Variants in DPP6 observed in about 807,000 individuals in gnomAD.
The protein encoded by DPP6 is A-type potassium channel modulatory protein DPP6.
In DPP6, 69 loss-of-function variants were observed where a neutral mutation model predicts 122.6. That is an observed-to-expected ratio of 0.56 (90% confidence interval 0.46 to 0.69). DPP6 has a LOEUF of 0.69. Ranked by LOEUF, DPP6 falls within the 30% of genes least tolerant of loss-of-function variation. The pLI is 0.00. For synonymous variants in DPP6, 418 were observed against 433.1 expected, an observed-to-expected ratio of 0.97 and a Z score of 0.43; for missense variants, 928 against 1,116.9, an observed-to-expected ratio of 0.83 and a Z score of 2.41.
intron 1 of DPP6, among the ~76,000 whole-genome samples, chr7:154,406,746 A>C (rs1264500873): frequency 2.0e-5 from 3 of 152,074 alleles, no homozygotes; most frequent in African/African-American, 4.8e-5. Flanking sequence ...TGAGTCAAAA[A>C]CCCTGGATAG....
intron 3 of DPP6, among the ~76,000 whole-genome samples, chr7:154,479,451 G>A (rs571678297): frequency 1.6e-4 from 24 of 151,650 alleles, no homozygotes; most frequent in East Asian, 9.7e-4. Flanking sequence ...CCAGCTACTC[G>A]GGAGGCTAAG....
intron 1 of DPP6, among the ~76,000 whole-genome samples, chr7:154,059,813 G>C (rs538428697): frequency 1.9e-3 from 285 of 151,452 alleles, no homozygotes; most frequent in African/African-American, 6.8e-3. Context: ...GCTGAGGCCC[G>C]TAGCCTACGT....
At chr7:154,339,536 A>G (rs576917783) in intron 1 of DPP6, among the ~76,000 whole-genome samples, 2 of 152,246 alleles carry the variant, frequency 1.3e-5, no homozygotes, top group Admixed American at 6.5e-5. Flanking sequence ...CACGTTCTGC[A>G]TAAAAGCTCA....
chr7:153,798,671 C>G, the DPP6 span, among the ~76,000 whole-genome samples: 1 of 152,142 alleles, frequency 6.6e-6, no homozygotes, highest in Non-Finnish European at 1.5e-5. Context: ...TGGGATGATT[C>G]AAGTGCATTA....
rs79703031 is a variant in DPP6 at position 154,428,436 on chromosome 7, G to A, written c.244-17778G>A. Among the ~76,000 whole-genome samples the A allele has an allele frequency of 1.2e-3, 186 of 152,234 alleles. 2 individuals are homozygous for A. The East Asian group carries it at 0.033, about 27-fold the overall frequency. ...TAAGAGTAAATGTGGAAAACAGTAT[G>A]CAGATTTCTTAAAAGAACTAAAAGG... On this transcript the variant is annotated intron_variant, in intron 1 of 25. Coordinates refer to ENST00000377770, the MANE Select transcript of DPP6 (RefSeq NM_130797.4).
chr7:154,732,982 G>A (rs539758935), intron 8 of DPP6, among the ~76,000 whole-genome samples: 75 of 152,162 alleles, frequency 4.9e-4, no homozygotes, highest in African/African-American at 1.5e-3. Context: ...CACCGCCCTC[G>A]CCTGGACTCC....
chr7:153,816,242 A>C, the DPP6 span, among the ~76,000 whole-genome samples: 1 of 152,204 alleles, frequency 6.6e-6, no homozygotes, highest in Non-Finnish European at 1.5e-5. Context: ...ATAAACATAC[A>C]CTTAAATATA....
chr7:154,196,982 T>G (rs1279266122), intron 1 of DPP6, among the ~76,000 whole-genome samples: 1 of 152,048 alleles, frequency 6.6e-6, no homozygotes, highest in African/African-American at 2.4e-5. Context: ...CTTCTCCTCT[T>G]TAATCTCCAA....
In DPP6 at chr7:154,506,752, A is replaced by G. The variant is rs189058932; in HGVS notation, c.457+31715A>G. Among the ~76,000 whole-genome samples, 344 of 152,344 alleles carry G rather than the reference A, an allele frequency of 2.3e-3. 1 individual carries two copies. The highest frequency in any genetic ancestry group is 7.6e-3 in the Admixed American group (117 of 15,298). ...CCTTTCTCTCTTAAAATTAAGATCT[A>G]TATTTATGATAGCAAAAGTCAGGTG... On this transcript the variant is annotated intron_variant, in intron 3 of 25. Transcript: ENST00000377770.
intron 8 of DPP6, among the ~76,000 whole-genome samples, chr7:154,747,054 G>A (rs1452008551): frequency 6.6e-6 from 1 of 152,126 alleles, no homozygotes; most frequent in Non-Finnish European, 1.5e-5. Flanking sequence ...AAGGCAGCAT[G>A]AAAGGGAAAG....
chr7:154,585,283 T>C (rs1563895139), intron 5 of DPP6, among the ~76,000 whole-genome samples: 1 of 152,256 alleles, frequency 6.6e-6, no homozygotes, highest in Admixed American at 6.5e-5. Context: ...TTTGCTGTTT[T>C]GGTGAAATAT....
chr7:153,780,080 A>G, the DPP6 span, among the ~76,000 whole-genome samples: 49 of 151,884 alleles, frequency 3.2e-4, no homozygotes, highest in African/African-American at 1.1e-3. Flanking sequence ...TAAGAAGACA[A>G]GCATAAAATT....
At chr7:154,421,028 T>A (rs1169488048) in intron 1 of DPP6, among the ~76,000 whole-genome samples, 2 of 152,044 alleles carry the variant, frequency 1.3e-5, no homozygotes, top group Non-Finnish European at 2.9e-5. Flanking sequence ...TAAAAAAAAA[T>A]GTTCGTGAGC....
In DPP6 at chr7:154,878,614, C is replaced by A. The variant is rs530173913; in HGVS notation, c.2079-2274C>A. Among the ~76,000 whole-genome samples, 6 of 152,310 alleles carry A rather than the reference C, an allele frequency of 3.9e-5. No individual in the cohort carries two copies. In the South Asian group the frequency reaches 1.2e-3, roughly 32 times the overall value. ...CCTGACTCCTCCCACTCCCACAGTTCCCCCGTCCACCACCACCATATCCTC... is the reference window on the plus strand; with the variant it reads ...CCTGACTCCTCCCACTCCCACAGTTACCCCGTCCACCACCACCATATCCTC... On this transcript the variant is annotated intron_variant, in intron 20 of 25. Transcript: ENST00000377770.
At chr7:154,721,550 A>G (rs1841809388) in intron 7 of DPP6, among the ~76,000 whole-genome samples, 1 of 152,268 alleles carries the variant, frequency 6.6e-6, no homozygotes, top group Admixed American at 6.5e-5. Flanking sequence ...TAAAAATCAT[A>G]GAAGCGTAAG....
intron 1 of DPP6, among the ~76,000 whole-genome samples, chr7:154,397,223 T>C (rs1045459438): frequency 1.4e-5 from 2 of 147,416 alleles, no homozygotes; most frequent in Admixed American, 1.3e-4. Context: ...ACTTCTGATG[T>C]TTTTTTTCAT....
At chr7:154,195,231 A>G (rs1798806363) in intron 1 of DPP6, among the ~76,000 whole-genome samples, 2 of 152,218 alleles carry the variant, frequency 1.3e-5, no homozygotes, top group Non-Finnish European at 2.9e-5. Flanking sequence ...CGAAAAGACG[A>G]TCCTTCCTCC....
chr7:154,295,993 G>T (rs1805516177), intron 1 of DPP6, among the ~76,000 whole-genome samples: 1 of 146,804 alleles, frequency 6.8e-6, no homozygotes, highest in African/African-American at 2.5e-5. Context: ...CACCCAGGCT[G>T]GAGTGCAGTG....
chr7:154,876,662 GA>G, intron 20 of DPP6, among the ~76,000 whole-genome samples: 1 of 152,296 alleles, frequency 6.6e-6, no homozygotes, highest in Admixed American at 6.5e-5. Context: ...CGACATCACA[GA>G]AACAAAAGGA....
Sources: allele counts gnomAD v4.1 joint callset (sites outside exome capture counted in the v4.1 genomes callset), GRCh38; gene constraint gnomAD v4.1.1; transcripts MANE v1.5; gene names NCBI Gene and HGNC (gene_info 2026-07-23, HGNC 2026-07-21).